Variants in ACVR1B observed in about 807,000 individuals in gnomAD.
The protein encoded by ACVR1B is activin receptor type-1B.
ACVR1B carries 15 observed loss-of-function variants against 55.6 expected under a neutral mutation model. That is an observed-to-expected ratio of 0.27 (90% CI 0.18 to 0.42). The LOEUF is 0.42. Among genes scored for constraint, ACVR1B ranks in the 10% least tolerant of loss-of-function variants. The probability of loss-of-function intolerance (pLI) is 1.00; values close to 1 mark genes in which losing one functional copy is unlikely to be tolerated. For missense variants in ACVR1B, 359 were observed against 670.1 expected (o/e 0.54, Z 5.13); for synonymous variants, 247 against 254.6 (o/e 0.97, Z 0.28).
At chr12:51,973,240 G>C (rs752052696) in intron 1 of ACVR1B, among the ~76,000 whole-genome samples, 15 of 152,336 alleles carry the variant, frequency 9.8e-5, no homozygotes, top group Non-Finnish European at 1.9e-4. Flanking sequence ...AGGCAACTGT[G>C]GGTTTGGGCT....
chr12:51,963,767 T>G (rs1336596438), intron 1 of ACVR1B, among the ~76,000 whole-genome samples: 1 of 152,250 alleles, frequency 6.6e-6, no homozygotes, highest in Non-Finnish European at 1.5e-5. Flanking sequence ...TACAAGTCTG[T>G]GTTTAAACAT....
chr12:51,967,004 G>C lies in ACVR1B; in HGVS notation c.92-8261G>C, dbSNP rs1332247588. Among the ~76,000 whole-genome samples the C allele has an allele frequency of 2.6e-5, 4 of 152,162 alleles. No homozygotes were observed. In the South Asian group the frequency reaches 8.3e-4, roughly 32 times the overall value. On this transcript the variant is annotated intron_variant, in intron 1 of 8. Transcript: ENST00000257963. ...GCCTGTAATCCCAGCACTTTGGGAGGCCGAGACGGGTGGATCACAAGGTCA... is the reference window on the plus strand; with the variant it reads ...GCCTGTAATCCCAGCACTTTGGGAGCCCGAGACGGGTGGATCACAAGGTCA...
chr12:51,977,607 CTTT>C (rs71443237), intron 3 of ACVR1B, among the ~76,000 whole-genome samples: 2 of 122,972 alleles, frequency 1.6e-5, no homozygotes, highest in Non-Finnish European at 1.7e-5. Flanking sequence ...TATTGCATTC[CTTT>C]TTTTTTTTTT....
chr12:51,976,534 A>G lies in ACVR1B; in HGVS notation c.539A>G (p.Gln180Arg). ...EMCLSKDKTL[Q>R]DLVYDLSTSG... Reference sequence around the variant, plus strand: ...TGTCTCTCCAAAGACAAGACGCTCCAGGATCTTGTCTACGATCTCTCCACC... The same window carrying G: ...TGTCTCTCCAAAGACAAGACGCTCCGGGATCTTGTCTACGATCTCTCCACC... Residue 180 changes from glutamine to arginine, a missense_variant, in exon 3 of 9, where the codon CAG becomes CGG. Transcript: ENST00000257963. The G allele has an allele frequency of 6.2e-7, 1 of 1,613,990 alleles. No homozygotes were observed. The highest frequency in any genetic ancestry group is 1.1e-5 in the South Asian group (1 of 91,070).
chr12:51,956,242 C>T (rs1941405998), intron 1 of ACVR1B, among the ~76,000 whole-genome samples: 2 of 152,166 alleles, frequency 1.3e-5, no homozygotes, highest in Admixed American at 6.5e-5. Flanking sequence ...GCATTTGTCT[C>T]CCTAAATATT....
intron 7 of ACVR1B, among the ~76,000 whole-genome samples, chr12:51,990,938 C>T (rs934456852): frequency 8.5e-5 from 13 of 152,122 alleles, no homozygotes; most frequent in Non-Finnish European, 1.6e-4. Context: ...TCTGGGGGTT[C>T]GGGGACACGT....
chr12:51,983,291 T>C (rs1942014413), intron 4 of ACVR1B, among the ~76,000 whole-genome samples: 2 of 152,136 alleles, frequency 1.3e-5, no homozygotes, highest in Admixed American at 1.3e-4. Flanking sequence ...CTGTCCCTAG[T>C]GTAAAAGAGA....
intron 1 of ACVR1B, among the ~76,000 whole-genome samples, chr12:51,962,186 C>T (rs1164818598): frequency 6.6e-6 from 1 of 152,168 alleles, no homozygotes; most frequent in East Asian, 1.9e-4. Context: ...TTCCAAACAC[C>T]TTTCTCTTAT....
Position 51,989,450 on chromosome 12 carries a change from G to A in ACVR1B, c.1262-2413G>A, listed in dbSNP as rs1942146998. On this transcript the variant is annotated intron_variant, in intron 7 of 8. Transcript: ENST00000257963. Reference sequence around the variant, plus strand: ...CAGGTGCCCACCACCACTGCGGGCTGATTTTTCTGTTTTTAGTAGTGATGG... The same window carrying A: ...CAGGTGCCCACCACCACTGCGGGCTAATTTTTCTGTTTTTAGTAGTGATGG... 1.3e-5 allele frequency among the ~76,000 whole-genome samples: 2 copies of A among 151,646 alleles called. 1 individual carries two copies. The highest frequency in any genetic ancestry group is 2.9e-5 in the Non-Finnish European group (2 of 67,928).
chr12:51,990,078 G>A lies in ACVR1B; in HGVS notation c.1262-1785G>A, dbSNP rs1277180580. On this transcript the variant is annotated intron_variant, in intron 7 of 8. Coordinates refer to ENST00000257963, the MANE Select transcript of ACVR1B (RefSeq NM_004302.5). ...GGAGGCTGAGGCGGGCAGATCACCC[G>A]AGGTCAGGAGTTCAAGACCAGCTTG... Among the ~76,000 whole-genome samples, 32 of 152,120 alleles carry A rather than the reference G, an allele frequency of 2.1e-4. No individual in the cohort carries two copies. The East Asian group carries it at 2.3e-3, about 11-fold the overall frequency.
chr12:51,980,710 G>A (rs573503559), intron 3 of ACVR1B, among the ~76,000 whole-genome samples: 1 of 152,310 alleles, frequency 6.6e-6, no homozygotes, highest in East Asian at 1.9e-4. Flanking sequence ...TTACTGAGAG[G>A]AGAAATTGCC....
At chr12:51,986,758 T>G in intron 6 of ACVR1B, 60 bp from the exon 7 acceptor site, 4 of 1,554,418 alleles carry the variant, frequency 2.6e-6, no homozygotes. Context: ...ATCAATACTT[T>G]GATTTAAAGA....
rs552244678 is a variant in ACVR1B at position 51,989,370 on chromosome 12, C to T, written c.1261+2428C>T. Among the ~76,000 whole-genome samples, 12 of 152,160 alleles carry T rather than the reference C, an allele frequency of 7.9e-5. No homozygotes were observed. The South Asian group carries it at 1.9e-3, about 24-fold the overall frequency. ...CACAATCTTAGCTCACTGCAACCTC[C>T]GCCTCCTGGGTTCAAGCCAGTCTCC... On this transcript the variant is annotated intron_variant, in intron 7 of 8. Transcript: ENST00000257963.
At position 51,975,451 on chromosome 12, in the gene ACVR1B, C is replaced by T; in HGVS notation, c.278C>T (p.Thr93Ile). 6.2e-7 allele frequency: 1 copy of T among 1,614,232 alleles called. No individual in the cohort carries two copies. Among genetic ancestry groups the T allele is most frequent in the Non-Finnish European group, 8.5e-7 (1 of 1,180,038 alleles). Residue 93 changes from threonine to isoleucine, a missense_variant, in exon 2 of 9, where the codon ACC (threonine) becomes ATC (isoleucine). Around this residue, in one of 5 missense-constraint regions of ACVR1B, gnomAD observed 133 missense variants for 188.2 expected, o/e 0.71. Coordinates refer to ENST00000257963, the MANE Select transcript of ACVR1B (RefSeq NM_004302.5). ...YCLSSEDLRN[T>I]HCCYTDYCNR... Reference sequence around the variant, plus strand: ...CTGAGCTCGGAGGACCTGCGCAACACCCACTGCTGCTACACTGACTACTGC... The same window carrying T: ...CTGAGCTCGGAGGACCTGCGCAACATCCACTGCTGCTACACTGACTACTGC...
intron 1 of ACVR1B, among the ~76,000 whole-genome samples, chr12:51,973,723 G>A (rs1217983755): frequency 1.3e-5 from 2 of 152,186 alleles, no homozygotes; most frequent in Non-Finnish European, 2.9e-5. Context: ...AAACTCTGAA[G>A]CAAGAGGCTG....
intron 1 of ACVR1B, among the ~76,000 whole-genome samples, chr12:51,954,924 C>A (rs1941379109): frequency 6.6e-6 from 1 of 152,212 alleles, no homozygotes; most frequent in Non-Finnish European, 1.5e-5. Context: ...AGACGTACAG[C>A]ATGTCACAGT....
At chr12:51,993,349 A>G (rs1942230761) in intron 8 of ACVR1B, among the ~76,000 whole-genome samples, 1 of 152,224 alleles carries the variant, frequency 6.6e-6, no homozygotes, top group African/African-American at 2.4e-5. Context: ...ATCATAGAGC[A>G]GCACTTCTCA....
Position 51,994,033 on chromosome 12 carries a change from G to C in ACVR1B, c.1441G>C (p.Gly481Arg). 5 of 1,614,066 alleles carry C rather than the reference G, an allele frequency of 3.1e-6. No homozygotes were observed. Among genetic ancestry groups the C allele is most frequent in the Non-Finnish European group, 4.2e-6 (5 of 1,180,040 alleles). Residue 481 changes from glycine to arginine, a missense_variant, in exon 9 of 9, where the codon GGC becomes CGC. Gly to Arg is a moderately radical substitution (Grantham distance 125). Coordinates refer to ENST00000257963, the MANE Select transcript of ACVR1B (RefSeq NM_004302.5). This position sits in a 1 kb window ranked among gnomAD's most constrained non-coding sequence, Gnocchi z 4.2. ...GATGCGAGAGTGTTGGTATGCCAACGGCGCAGCCCGCCTGACGGCCCTGCG... is the reference window on the plus strand; with the variant it reads ...GATGCGAGAGTGTTGGTATGCCAACCGCGCAGCCCGCCTGACGGCCCTGCG... ...KMMRECWYAN[G>R]AARLTALRIK...
At chr12:51,983,855 A>G (rs764064957) in intron 4 of ACVR1B, 144 bp from the exon 5 acceptor site, 3 of 763,192 alleles carry the variant, frequency 3.9e-6, no homozygotes, top group Admixed American at 2.5e-5. Context: ...AGGATGCTAG[A>G]TGGGGCTTCA....
Sources: allele counts gnomAD v4.1 joint callset (sites outside exome capture counted in the v4.1 genomes callset), GRCh38; gene constraint gnomAD v4.1.1; regional missense constraint gnomAD v4.1.1; non-coding constraint Gnocchi (gnomAD v3.1); transcripts MANE v1.5; gene names NCBI Gene and HGNC (gene_info 2026-07-23, HGNC 2026-07-21).